DLGAP2: variants seen among roughly 807,000 people sequenced by gnomAD.
DLGAP2 encodes disks large-associated protein 2.
In DLGAP2, 26 loss-of-function variants were observed where a neutral mutation model predicts 100.3. The observed-to-expected ratio is 0.26, with a 90% confidence interval of 0.19 to 0.36. DLGAP2 has a LOEUF of 0.36. DLGAP2 is among the 10% of genes least tolerant of loss of function. The pLI, the probability that DLGAP2 is intolerant of heterozygous loss-of-function variation, is 1.00. For synonymous variants in DLGAP2, 886 were observed against 630.1 expected (o/e 1.41, Z -6.08); for missense variants, 1,858 against 1,453.2 (o/e 1.28, Z -4.53).
At chr8:1,275,918 T>C (rs1485646082) in intron 3 of DLGAP2, among the ~76,000 whole-genome samples, 1 of 124,700 alleles carries the variant, frequency 8.0e-6, no homozygotes, top group African/African-American at 3.2e-5. Context: ...AATATATAAA[T>C]AAATATATAT....
chr8:1,703,399 G>A lies in DLGAP2; in HGVS notation c.*1993G>A, dbSNP rs1031762043. The stretch of plus-strand genomic sequence containing the variant: ...ACCTAAATGAATACCTAAATCTTGA[G>A]TAGTGTACGGTAATGACGCTTCTTC... On this transcript the variant is annotated 3_prime_UTR_variant, in exon 15 of 15. Coordinates refer to ENST00000637795, the MANE Select transcript of DLGAP2 (RefSeq NM_001346810.2). The A allele has an allele frequency of 6.6e-6, 1 of 152,420 alleles. No homozygotes were observed. The highest frequency in any genetic ancestry group is 6.5e-5 in the Admixed American group (1 of 15,272). 9.4% of individuals were successfully genotyped at this position (152,420 alleles called of 1,614,324 possible). A position where few individuals can be genotyped will look rare whatever the true frequency, so the allele number is the denominator to read the frequency against.
intron 6 of DLGAP2, among the ~76,000 whole-genome samples, chr8:1,601,985 G>C (rs563175496): frequency 2.8e-5 from 2 of 72,676 alleles, no homozygotes; most frequent in Non-Finnish European, 6.4e-5. Context: ...TGTGTGATCA[G>C]CCCGTGCTAC....
At chr8:871,388 G>A (rs960690664) in intron 1 of DLGAP2, among the ~76,000 whole-genome samples, 1 of 152,182 alleles carries the variant, frequency 6.6e-6, no homozygotes, top group Admixed American at 6.5e-5. Flanking sequence ...TTCTAAGAAC[G>A]AGTTTTGTCA....
chr8:1,448,794 A>G (rs975459104), intron 3 of DLGAP2, among the ~76,000 whole-genome samples: 1 of 152,214 alleles, frequency 6.6e-6, no homozygotes, highest in Non-Finnish European at 1.5e-5. Context: ...GCAAAAATCA[A>G]TGCATGACAT....
intron 2 of DLGAP2, among the ~76,000 whole-genome samples, chr8:1,188,614 C>T (rs977299671): frequency 3.3e-5 from 5 of 152,116 alleles, no homozygotes; most frequent in South Asian, 4.1e-4. Flanking sequence ...GTGACATTTG[C>T]CTCACGGAAT....
At chr8:1,221,573 C>A (rs1226351501) in intron 2 of DLGAP2, among the ~76,000 whole-genome samples, 1 of 151,936 alleles carries the variant, frequency 6.6e-6, no homozygotes, top group Admixed American at 6.6e-5. Context: ...ACTATGTGTC[C>A]TGGGGATTGT....
At chr8:1,365,261 C>G (rs879940438) in intron 3 of DLGAP2, among the ~76,000 whole-genome samples, 2 of 152,164 alleles carry the variant, frequency 1.3e-5, no homozygotes, top group East Asian at 3.9e-4. Flanking sequence ...CTCCCAGAGC[C>G]TCAAGCTCCG....
intron 5 of DLGAP2, among the ~76,000 whole-genome samples, chr8:1,550,488 A>G (rs777395444): frequency 2.0e-5 from 3 of 152,104 alleles, no homozygotes; most frequent in Non-Finnish European, 2.9e-5. Flanking sequence ...AGACTTGCCC[A>G]TGTGGGTGTT....
chr8:1,500,550 G>T (rs774467992), intron 3 of DLGAP2, among the ~76,000 whole-genome samples: 2 of 152,278 alleles, frequency 1.3e-5, no homozygotes, highest in African/African-American at 4.8e-5. Flanking sequence ...TCGGCACCTG[G>T]TTTCCTGGGC....
intron 3 of DLGAP2, among the ~76,000 whole-genome samples, chr8:1,439,601 T>G (rs1237636437): frequency 6.6e-6 from 1 of 152,146 alleles, no homozygotes; most frequent in Non-Finnish European, 1.5e-5. Context: ...CCTTCCTTTT[T>G]TTCTAGACAA....
rs571632360 is a variant in DLGAP2 at position 983,873 on chromosome 8, C to G, written c.73+75907C>G. On this transcript the variant is annotated intron_variant, in intron 2 of 14. Coordinates refer to ENST00000637795, the MANE Select transcript of DLGAP2 (RefSeq NM_001346810.2). ...CAGGCTGGTCTTGAACTCCTAGGCT[C>G]AAGTGATCCTCTTGCCTTGGGCTCC... 5.0e-4 allele frequency among the ~76,000 whole-genome samples: 76 copies of G among 152,244 alleles called. 1 individual carries two copies. The highest frequency in any genetic ancestry group is 1.7e-3 in the African/African-American group (69 of 41,538).
chr8:743,852 A>G (rs1188119647), intron 1 of DLGAP2, among the ~76,000 whole-genome samples: 1 of 152,252 alleles, frequency 6.6e-6, no homozygotes. Flanking sequence ...GGCATGGGCC[A>G]CTGCGCGATG....
chr8:800,006 C>A (rs1010106807), intron 1 of DLGAP2, among the ~76,000 whole-genome samples: 8 of 152,190 alleles, frequency 5.3e-5, no homozygotes, highest in Admixed American at 6.5e-5. Flanking sequence ...GATGGCCAGA[C>A]AGAAGCAGCG....
chr8:820,726 C>G (rs1227256963), intron 1 of DLGAP2, among the ~76,000 whole-genome samples: 1 of 152,128 alleles, frequency 6.6e-6, no homozygotes, highest in Admixed American at 6.5e-5. Flanking sequence ...GTCTAGAAAC[C>G]TATCTGCATA....
At chr8:1,260,758 G>A (rs1799330257) in intron 3 of DLGAP2, among the ~76,000 whole-genome samples, 1 of 152,230 alleles carries the variant, frequency 6.6e-6, no homozygotes, top group South Asian at 2.1e-4. Context: ...GACATTCTAG[G>A]TCATGGGATT....
At chr8:916,499 G>A (rs1798596339) in intron 2 of DLGAP2, among the ~76,000 whole-genome samples, 1 of 152,084 alleles carries the variant, frequency 6.6e-6, no homozygotes, top group Non-Finnish European at 1.5e-5. Flanking sequence ...ACACAGGAAG[G>A]GGAACATCAC....
chr8:1,230,132 G>A (rs373208305), intron 2 of DLGAP2, among the ~76,000 whole-genome samples: 143 of 152,212 alleles, frequency 9.4e-4, no homozygotes, highest in African/African-American at 3.4e-3. Flanking sequence ...CTGCCAAAGG[G>A]CTCCTGGAAC....
chr8:933,542 G>C (rs1799009457), intron 2 of DLGAP2, among the ~76,000 whole-genome samples: 172 of 124,058 alleles, frequency 1.4e-3, no homozygotes, highest in African/African-American at 5.4e-3. Context: ...CCGTGGGCAT[G>C]AGGGGAGGGT....
chr8:769,325 A>G (rs1821297199), intron 1 of DLGAP2, among the ~76,000 whole-genome samples: 1 of 151,976 alleles, frequency 6.6e-6, no homozygotes, highest in Non-Finnish European at 1.5e-5. Context: ...CAGCAGAAAA[A>G]CGCTAACAAG....
Sources: gnomAD v4.1 joint callset for allele counts (sites outside exome capture counted in the v4.1 genomes callset) on GRCh38, gnomAD v4.1.1 for gene constraint, MANE v1.5 for transcripts, NCBI Gene and HGNC (gene_info 2026-07-23, HGNC 2026-07-21) for gene names.